The following NELL1 variants were observed in gnomAD, a reference collection of about 807,000 sequenced individuals.
NELL1 encodes neural EGFL like 1, also known as protein kinase C-binding protein NELL1.
Under a neutral mutation model 107.4 loss-of-function variants are expected in NELL1, and 76 were observed. That is an observed-to-expected ratio of 0.71 (90% CI 0.59 to 0.86). The LOEUF (loss-of-function observed/expected upper bound fraction) is 0.86. Ranked by LOEUF, NELL1 falls within the 40% of genes least tolerant of loss-of-function variation. The pLI, the probability that NELL1 is intolerant of heterozygous loss-of-function variation, is 0.00. For synonymous variants in NELL1, 353 were observed against 341.2 expected (o/e 1.03, Z -0.38); for missense variants, 1,024 against 1,005.5 (o/e 1.02, Z -0.25).
At chr11:21,036,127 T>A (rs754716196) in intron 12 of NELL1, among the ~76,000 whole-genome samples, 31 of 152,046 alleles carry the variant, frequency 2.0e-4, no homozygotes, top group African/African-American at 7.0e-4. Context: ...AATGCAGTCT[T>A]ATTCACAATT....
chr11:21,204,886 G>C (rs1857354753), intron 13 of NELL1, among the ~76,000 whole-genome samples: 1 of 152,122 alleles, frequency 6.6e-6, no homozygotes, highest in Non-Finnish European at 1.5e-5. Context: ...AGGTTTGCTA[G>C]AGTTTGCTGG....
At chr11:21,547,435 G>A (rs911148268) in intron 16 of NELL1, among the ~76,000 whole-genome samples, 4 of 151,836 alleles carry the variant, frequency 2.6e-5, no homozygotes, top group African/African-American at 9.7e-5. Flanking sequence ...TTCAATAGAG[G>A]TGGAGACCAG....
At chr11:21,083,821 T>C (rs2133676062) in intron 12 of NELL1, among the ~76,000 whole-genome samples, 1 of 152,318 alleles carries the variant, frequency 6.6e-6, no homozygotes, top group South Asian at 2.1e-4. Context: ...TTAAAACACA[T>C]TAAATACTTT....
chr11:21,233,820 T>C (rs894380396), intron 14 of NELL1, among the ~76,000 whole-genome samples: 2 of 152,244 alleles, frequency 1.3e-5, no homozygotes, highest in African/African-American at 4.8e-5. Context: ...GTCTTCTCTC[T>C]TATCTGTCAT....
chr11:21,249,479 G>A (rs1858582909), intron 14 of NELL1, among the ~76,000 whole-genome samples: 1 of 149,480 alleles, frequency 6.7e-6, no homozygotes, highest in African/African-American at 2.5e-5. Flanking sequence ...CAAAACCTAA[G>A]CCCATATACA....
intron 15 of NELL1, among the ~76,000 whole-genome samples, chr11:21,502,373 G>T (rs1435521933): frequency 6.6e-6 from 1 of 152,058 alleles, no homozygotes; most frequent in East Asian, 1.9e-4. Context: ...TCTTTTCATT[G>T]CAAAATGCTG....
rs184796895 is a variant in NELL1 at position 20,814,310 on chromosome 11, A to G, written c.335+30480A>G. Among the ~76,000 whole-genome samples, 21 of 152,292 alleles carry G rather than the reference A, an allele frequency of 1.4e-4. No individual in the cohort carries two copies. In the East Asian group the frequency reaches 4.1e-3, roughly 29 times the overall value. ...CACCCAGCCTAAAATTTCAACATTT[A>G]TTTTAGGTTCATGGTCTATATGTGC... On this transcript the variant is annotated intron_variant, in intron 3 of 19. Transcript: ENST00000357134.
intron 11 of NELL1, among the ~76,000 whole-genome samples, chr11:20,951,633 C>G (rs1249917962): frequency 7.2e-5 from 11 of 152,062 alleles, no homozygotes; most frequent in Non-Finnish European, 1.6e-4. Context: ...ATCCACAGGG[C>G]TGTTGGAGCA....
intron 15 of NELL1, among the ~76,000 whole-genome samples, chr11:21,426,962 T>C (rs1290841267): frequency 6.6e-6 from 1 of 152,116 alleles, no homozygotes; most frequent in Non-Finnish European, 1.5e-5. Flanking sequence ...GGAGTGGAAC[T>C]ATGAAGACGA....
At chr11:21,141,865 G>T (rs1444470489) in intron 13 of NELL1, among the ~76,000 whole-genome samples, 1 of 152,044 alleles carries the variant, frequency 6.6e-6, no homozygotes, top group Non-Finnish European at 1.5e-5. Flanking sequence ...CTGGGTTCAA[G>T]CAATTCTCCT....
At chr11:21,552,106 G>A (rs1473713720) in intron 16 of NELL1, among the ~76,000 whole-genome samples, 4 of 133,868 alleles carry the variant, frequency 3.0e-5, no homozygotes, top group Non-Finnish European at 4.7e-5. Context: ...ATGGACACAG[G>A]AAGGGGAACA....
chr11:21,139,282 A>G (rs1185912175), intron 13 of NELL1, among the ~76,000 whole-genome samples: 1 of 152,158 alleles, frequency 6.6e-6, no homozygotes, highest in Non-Finnish European at 1.5e-5. Context: ...AGTACCATCA[A>G]TTCAGTCTCT....
chr11:21,408,654 A>C (rs1357536124), intron 15 of NELL1, among the ~76,000 whole-genome samples: 1 of 152,000 alleles, frequency 6.6e-6, no homozygotes, highest in Non-Finnish European at 1.5e-5. Context: ...TTTGCTGTGC[A>C]GAAGCTCTTT....
chr11:21,492,618 C>A (rs1854854708), intron 15 of NELL1, among the ~76,000 whole-genome samples: 1 of 151,552 alleles, frequency 6.6e-6, no homozygotes. Context: ...AACTGGAAAT[C>A]ATCATTCTCA....
At chr11:20,849,151 G>A (rs775181125) in intron 4 of NELL1, among the ~76,000 whole-genome samples, 1 of 152,160 alleles carries the variant, frequency 6.6e-6, no homozygotes, top group African/African-American at 2.4e-5. Context: ...CCACCCACAT[G>A]CTGTCTAAAT....
intron 12 of NELL1, among the ~76,000 whole-genome samples, chr11:20,984,833 G>T (rs1851819948): frequency 6.6e-6 from 1 of 152,104 alleles, no homozygotes; most frequent in African/African-American, 2.4e-5. Context: ...ACTCGCTTTG[G>T]TCGCTAAGAC....
At chr11:21,342,410 G>GT (rs34275531) in intron 14 of NELL1, among the ~76,000 whole-genome samples, 47,267 of 122,374 alleles carry the variant, frequency 0.39, 8,771 homozygotes, top group East Asian at 0.46. Context: ...AGAGGCTTAA[G>GT]TGGGGGGGGG....
chr11:20,976,992 G>T (rs543539435), intron 12 of NELL1, among the ~76,000 whole-genome samples: 3 of 151,460 alleles, frequency 2.0e-5, no homozygotes, highest in Admixed American at 1.3e-4. Flanking sequence ...AGAATGGTTC[G>T]TCATTTTGCT....
At chr11:20,700,124 GAA>G (rs146983094) in intron 2 of NELL1, among the ~76,000 whole-genome samples, 1 of 146,804 alleles carries the variant, frequency 6.8e-6, no homozygotes, top group South Asian at 2.1e-4. Context: ...ACTGTTTTTA[GAA>G]AAAACAAAAA....
Sources: allele counts gnomAD v4.1 joint callset (sites outside exome capture counted in the v4.1 genomes callset), GRCh38; gene constraint gnomAD v4.1.1; transcripts MANE v1.5; gene names NCBI Gene and HGNC (gene_info 2026-07-23, HGNC 2026-07-21).